The following MDM4 variants were observed in gnomAD, a reference collection of about 807,000 sequenced individuals.
MDM4 encodes protein Mdm4.
MDM4 carries 2 observed loss-of-function variants against 60.2 expected under a neutral mutation model. The ratio of observed to expected loss-of-function variants is 0.03; its 90% CI spans 0.01 to 0.10. MDM4 has a LOEUF of 0.10. Among genes scored for constraint, MDM4 ranks in the 10% least tolerant of loss-of-function variants. The pLI is 1.00. For synonymous variants in MDM4, 202 were observed against 198.1 expected (o/e 1.02, Z -0.17); for missense variants, 447 against 577.5 (o/e 0.77, Z 2.32).
rs996120381 is a variant in MDM4, at chr1:204,553,658, A to G, written c.*3976A>G. ...ATATTTATGATTGTTATCTTGGGCG[A>G]AAAGTTCAGAGCAGAGATGACAAAT... is the stretch of plus-strand genomic sequence containing the variant. On this transcript the variant is annotated 3_prime_UTR_variant, in exon 11 of 11. Transcript: ENST00000367182. 1 of 227,776 alleles carries G rather than the reference A, an allele frequency of 4.4e-6. No homozygotes were observed. Among genetic ancestry groups the G allele is most frequent in the Non-Finnish European group, 8.7e-6 (1 of 114,616 alleles). 14.1% of individuals were successfully genotyped at this position (227,776 alleles called of 1,614,324 possible).
rs1663273409 is a variant in MDM4, at chr1:204,552,289, A to C, written c.*2607A>C. 6.6e-6 allele frequency: 1 copy of C among 150,950 alleles called. No individual in the cohort carries two copies. The highest frequency in any genetic ancestry group is 2.1e-4 in the South Asian group (1 of 4,794). The allele number at this position is 150,950 out of a possible 1,614,324, so 9.4% of individuals were successfully genotyped here. A position where few individuals can be genotyped will look rare whatever the true frequency, so the allele number is the denominator to read the frequency against. ...ACTGTCTCAGAAAAAAGAAAAAAAA[A>C]ATCGCAAAAAGAAAAATCTCATAAT... is the stretch of plus-strand genomic sequence containing the variant. On this transcript the variant is annotated 3_prime_UTR_variant, in exon 11 of 11. Coordinates refer to ENST00000367182, the MANE Select transcript of MDM4 (RefSeq NM_002393.5).
intron 10 of MDM4, among the ~76,000 whole-genome samples, chr1:204,548,296 C>A (rs1005879287): frequency 6.6e-6 from 1 of 152,106 alleles, no homozygotes; most frequent in Non-Finnish European, 1.5e-5. Flanking sequence ...ATCTGGAATC[C>A]CAGTTTAACA....
chr1:204,551,474 T>G lies in MDM4; in HGVS notation c.*1792T>G. 4.8e-6 allele frequency: 1 copy of G among 210,382 alleles called. No individual in the cohort carries two copies. Among genetic ancestry groups the G allele is most frequent in the Non-Finnish European group, 9.3e-6 (1 of 107,294 alleles). 13.0% of individuals were successfully genotyped at this position (210,382 alleles called of 1,614,324 possible). ...GAGAGGCAGCCTCTTTTTTTTTTTT[T>G]TTTTTTTTTTTTTTTTGGAGGATAG... is the stretch of plus-strand genomic sequence containing the variant. On this transcript the variant is annotated 3_prime_UTR_variant, in exon 11 of 11. Transcript: ENST00000367182.
At chr1:204,535,196 C>T (rs1423735969) in intron 5 of MDM4, among the ~76,000 whole-genome samples, 14 of 139,826 alleles carry the variant, frequency 1.0e-4, no homozygotes, top group East Asian at 6.3e-4. Flanking sequence ...CTCGCTCTGT[C>T]GCCTAGGCTG....
chr1:204,528,875 G>T, intron 3 of MDM4: 1 of 1,589,084 alleles, frequency 6.3e-7, no homozygotes. Context: ...TGGTGACGAC[G>T]TCCTTGAAGC....
intron 7 of MDM4, among the ~76,000 whole-genome samples, chr1:204,538,592 C>T (rs896267739): frequency 1.3e-5 from 2 of 152,154 alleles, no homozygotes; most frequent in African/African-American, 4.8e-5. Context: ...GAATTTTCTA[C>T]ATACATGAAT....
In MDM4 at chr1:204,536,138, G is replaced by C. The variant is rs371004513; in HGVS notation, c.344-1292G>C. Among the ~76,000 whole-genome samples the C allele has an allele frequency of 1.1e-4, 16 of 152,266 alleles. No homozygotes were observed. In the South Asian group the frequency reaches 2.1e-3, roughly 20 times the overall value. On this transcript the variant is annotated intron_variant, in intron 5 of 10. Coordinates refer to ENST00000367182, the MANE Select transcript of MDM4 (RefSeq NM_002393.5). Reference sequence around the variant, plus strand: ...AGTCAGGCGTGCGCCTATAATCCTAGCTACTTGGGAGGCTGAGGCAGGAGA... The same window carrying C: ...AGTCAGGCGTGCGCCTATAATCCTACCTACTTGGGAGGCTGAGGCAGGAGA...
At chr1:204,541,871 T>C (rs1400001304) in intron 7 of MDM4, among the ~76,000 whole-genome samples, 1 of 152,216 alleles carries the variant, frequency 6.6e-6, no homozygotes, top group African/African-American at 2.4e-5. Context: ...TCTTTCACCA[T>C]ATGTACTTCA....
At chr1:204,522,856 T>G (rs1459954612) in intron 1 of MDM4, among the ~76,000 whole-genome samples, 1 of 137,078 alleles carries the variant, frequency 7.3e-6, no homozygotes, top group East Asian at 2.3e-4. Flanking sequence ...GTGTATTTAC[T>G]GATTGTCTTT....
chr1:204,537,638 A>G (rs1049492032), intron 6 of MDM4, 141 bp downstream of exon 6: 3 of 657,186 alleles, frequency 4.6e-6, no homozygotes, highest in African/African-American at 1.8e-5. Flanking sequence ...CAGACCAGGG[A>G]CAGAGTGAAC....
rs71147703 is a variant in MDM4 at position 204,552,872 on chromosome 1, CTT to C, written c.*3205_*3206del. 1.1e-3 allele frequency: 146 copies of C among 133,864 alleles called. No homozygotes were observed. The highest frequency in any genetic ancestry group is 4.7e-3 in the East Asian group (29 of 6,124). 8.3% of individuals were successfully genotyped at this position (133,864 alleles called of 1,614,324 possible). A position where few individuals can be genotyped will look rare whatever the true frequency, so the allele number is the denominator to read the frequency against. On this transcript the variant is annotated 3_prime_UTR_variant, in exon 11 of 11. Transcript: ENST00000367182. ...AACTTTAAACTATTTCTTTTCTTTT[CTT>C]TTTTTTTTTTTTTTACTTGAGATGG...
chr1:204,530,834 C>T lies in MDM4; in HGVS notation c.287+17C>T. On this transcript the variant is annotated intron_variant, in intron 4 of 10. Coordinates refer to ENST00000367182, the MANE Select transcript of MDM4 (RefSeq NM_002393.5). ...AGACCCAAGGTAAAAACAGTGAGGGCTTGCGTATCTTTTTGGGTGCTTATA... is the reference window on the plus strand; with the variant it reads ...AGACCCAAGGTAAAAACAGTGAGGGTTTGCGTATCTTTTTGGGTGCTTATA... 6.2e-7 allele frequency: 1 copy of T among 1,614,084 alleles called. No individual in the cohort carries two copies. The highest frequency in any genetic ancestry group is 1.1e-5 in the South Asian group (1 of 91,078).
At chr1:204,534,978 C>T (rs184993796) in intron 5 of MDM4, among the ~76,000 whole-genome samples, 7 of 152,176 alleles carry the variant, frequency 4.6e-5, no homozygotes, top group African/African-American at 1.2e-4. Flanking sequence ...TCTGTTCTGA[C>T]TTGCAATTGC....
chr1:204,525,988 G>T (rs1184050531), intron 2 of MDM4, among the ~76,000 whole-genome samples: 1 of 151,874 alleles, frequency 6.6e-6, no homozygotes, highest in Non-Finnish European at 1.5e-5. Flanking sequence ...GGCGAGGTGG[G>T]TCATGCCTAT....
intron 3 of MDM4, among the ~76,000 whole-genome samples, chr1:204,527,700 A>ACT (rs147918170): frequency 1.7e-5 from 1 of 59,504 alleles, no homozygotes; most frequent in African/African-American, 6.9e-5. Flanking sequence ...TATTTTAAAC[A>ACT]CATGCATTTA....
intron 3 of MDM4, chr1:204,529,595 T>C: frequency 3.8e-6 from 5 of 1,303,830 alleles, no homozygotes; most frequent in Non-Finnish European, 5.2e-6. Context: ...CATACTGCCC[T>C]CCACTACTGG....
chr1:204,525,699 A>G lies in MDM4; in HGVS notation c.78+103A>G. 11 of 773,402 alleles carry G rather than the reference A, an allele frequency of 1.4e-5. No homozygotes were observed. The South Asian group carries it at 1.8e-4, about 13-fold the overall frequency. The allele number at this position is 773,402 out of a possible 1,614,324, so 47.9% of individuals were successfully genotyped here. A position where few individuals can be genotyped will look rare whatever the true frequency, so the allele number is the denominator to read the frequency against. ...GTAATCCCAGCACTTTGAGAAGTCA[A>G]GGCAGGAAGCTTACTTGAAGCCAGG... On this transcript the variant is annotated intron_variant, in intron 2 of 10. Coordinates refer to ENST00000367182, the MANE Select transcript of MDM4 (RefSeq NM_002393.5).
At chr1:204,523,183 T>C (rs1208177943) in intron 1 of MDM4, among the ~76,000 whole-genome samples, 2 of 150,884 alleles carry the variant, frequency 1.3e-5, no homozygotes, top group African/African-American at 2.4e-5. Context: ...AAAAAATTTT[T>C]TTTTGTCCAG....
At chr1:204,546,463 A>C (rs1662672600) in intron 9 of MDM4, among the ~76,000 whole-genome samples, 1 of 152,270 alleles carries the variant, frequency 6.6e-6, no homozygotes, top group African/African-American at 2.4e-5. Context: ...TTGGCCTCCC[A>C]AAGTGCTGAA....
Sources: gnomAD v4.1 joint callset for allele counts (sites outside exome capture counted in the v4.1 genomes callset) on GRCh38, gnomAD v4.1.1 for gene constraint, MANE v1.5 for transcripts, NCBI Gene and HGNC (gene_info 2026-07-23, HGNC 2026-07-21) for gene names.